Variants in RYR1 observed in about 807,000 individuals in gnomAD.
RYR1 encodes ryanodine receptor 1, also known as central core disease of muscle.
Under a neutral mutation model 583.5 loss-of-function variants are expected in RYR1, and 342 were observed. That is an observed-to-expected ratio of 0.59 (90% CI 0.54 to 0.64). RYR1 has a LOEUF of 0.64. Among genes scored for constraint, RYR1 ranks in the 30% least tolerant of loss-of-function variants. The pLI is 0.00. For synonymous variants in RYR1, 2,791 were observed against 2,822.5 expected (o/e 0.99, Z 0.35); for missense variants, 6,032 against 6,917.2 (o/e 0.87, Z 4.54).
At chr19:38,442,305 G>A (rs115526671) in intron 2 of RYR1, 44 bp from the exon 3 acceptor site, 55 of 1,300,752 alleles carry the variant, frequency 4.2e-5, no homozygotes, top group Non-Finnish European at 6.1e-5. Flanking sequence ...TGCTGGGGTG[G>A]GGGGGTCTTC....
chr19:38,496,141 G>T lies in RYR1; in HGVS notation c.6549-74G>T. On this transcript the variant is annotated intron_variant, in intron 39 of 105. Coordinates refer to ENST00000359596, the MANE Select transcript of RYR1 (RefSeq NM_000540.3). This position sits in a 1 kb window ranked among gnomAD's most constrained non-coding sequence, Gnocchi z 4.8. ...GAGTGAGAGGGTCAAGAATGCCAAC[G>T]CTGTCACAGTGGTGGCTATGGCCCT... 1 of 1,203,446 alleles carries T rather than the reference G, an allele frequency of 8.3e-7. No homozygotes were observed. The highest frequency in any genetic ancestry group is 1.2e-6 in the Non-Finnish European group (1 of 814,042). 74.5% of individuals were successfully genotyped at this position (1,203,446 alleles called of 1,614,324 possible).
rs1489905802 is a variant in RYR1, at chr19:38,500,681, G to A, written c.7399G>A (p.Val2467Met). 2 of 1,614,038 alleles carry A rather than the reference G, an allele frequency of 1.2e-6. No homozygotes were observed. The highest frequency in any genetic ancestry group is 8.5e-7 in the Non-Finnish European group (1 of 1,180,050). ...CTCCCTTGTGCCCTTGGAGGACCTT[G>A]TGGGCATCATCAGCCTCCCACTGCA... ...LRSLVPLEDL[V>M]GIISLPLQIP... is the part of the protein sequence containing the mutation. The change falls in exon 46 of 106, where the codon GTG becomes ATG. Residue 2467 changes from valine (V) to methionine (M), a missense_variant. Transcript: ENST00000359596. The surrounding 1 kb of genome is among the most constrained non-coding windows in gnomAD (Gnocchi z 5.9).
intron 89 of RYR1, among the ~76,000 whole-genome samples, chr19:38,559,043 C>T (rs1216056718): frequency 3.3e-5 from 5 of 151,836 alleles, no homozygotes; most frequent in African/African-American, 4.8e-5. Flanking sequence ...GAGCCAAGAT[C>T]GTGCCACTGC....
chr19:38,514,282 A>AT (rs56826915), intron 63 of RYR1, among the ~76,000 whole-genome samples: 42,746 of 138,998 alleles, frequency 0.31, 7,128 homozygotes, highest in South Asian at 0.47. Context: ...TTTTTTTTTA[A>AT]TTTTTTTTTT....
At position 38,466,376 on chromosome 19, in the gene RYR1, C is replaced by A. The variant is rs368131832; in HGVS notation, c.3156C>A (p.Ile1052=). The A allele has an allele frequency of 1.9e-6, 3 of 1,556,094 alleles. No homozygotes were observed. The highest frequency in any genetic ancestry group is 2.6e-6 in the Non-Finnish European group (3 of 1,152,876). Residue 1052 remains isoleucine, a synonymous_variant, in exon 24 of 106, where the codon ATC becomes ATA. Transcript: ENST00000359596. ...CCCTCCTGGGCTACGGCTACAACAT[C>A]GAGCCTCCTGACCAGGAGCCCAGTG... ...VRTLLGYGYN[I]EPPDQEPSQV...
chr19:38,533,255 A>G (rs1022453705), intron 78 of RYR1, among the ~76,000 whole-genome samples: 5 of 152,224 alleles, frequency 3.3e-5, no homozygotes, highest in African/African-American at 1.2e-4. Context: ...AGAAAGAGCT[A>G]GTAAACATGC....
chr19:38,539,979 C>T (rs778538555), intron 84 of RYR1, among the ~76,000 whole-genome samples: 1 of 152,008 alleles, frequency 6.6e-6, no homozygotes, highest in African/African-American at 2.4e-5. Flanking sequence ...AAAACCTGTA[C>T]CTTTGCTTAT....
At chr19:38,485,532 T>G (rs1830013371) in intron 33 of RYR1, 58 bp from the exon 34 acceptor site, 4 of 1,598,480 alleles carry the variant, frequency 2.5e-6, no homozygotes, top group Middle Eastern at 2.2e-4. Context: ...AGATGGTGGC[T>G]TGACTGATGC....
intron 93 of RYR1, among the ~76,000 whole-genome samples, 191 bp from the exon 94 acceptor site, chr19:38,570,416 C>T (rs1257702164): frequency 1.3e-5 from 2 of 152,084 alleles, no homozygotes; most frequent in South Asian, 2.1e-4. Context: ...CGCACCACTG[C>T]ACTCCAGCCT....
chr19:38,556,966 C>T (rs915650218), intron 89 of RYR1, among the ~76,000 whole-genome samples: 3 of 151,992 alleles, frequency 2.0e-5, no homozygotes, highest in African/African-American at 7.3e-5. Flanking sequence ...GGAGGCACCT[C>T]CTTTCCAGAT....
At position 38,464,651 on chromosome 19, in the gene RYR1, T is replaced by A; in HGVS notation, c.2799T>A (p.Ala933=). 2.5e-6 allele frequency: 4 copies of A among 1,587,126 alleles called. No individual in the cohort carries two copies. Among genetic ancestry groups the A allele is most frequent in the Non-Finnish European group, 3.4e-6 (4 of 1,166,702 alleles). ...CCCCCACCCCCAGGACTCTGCTGGC[T>A]CTGGGCTGCCACGTGGGCATGGCGG... ...MSGETLKTLL[A]LGCHVGMADE... is the part of the protein sequence containing the mutation. Residue 933 remains alanine, a synonymous_variant, in exon 23 of 106, where the codon GCT becomes GCA. Coordinates refer to ENST00000359596, the MANE Select transcript of RYR1 (RefSeq NM_000540.3).
rs1469128640 is a variant in RYR1, at chr19:38,494,454, G to A, written c.6377G>A (p.Arg2126Gln). The change falls in exon 39 of 106, where the codon CGG (arginine) becomes CAG (glutamine). Residue 2126 changes from arginine to glutamine, a missense_variant. This residue lies in a region of RYR1 where 2,627 missense variants were observed against 2,961.3 expected (regional missense o/e 0.89). Transcript: ENST00000359596. ...CGGGCCATGTTCAGCCTCCTGCACCGGCAGTACGACGGGCTGGGTGAGCTG... is the reference window on the plus strand; with the variant it reads ...CGGGCCATGTTCAGCCTCCTGCACCAGCAGTACGACGGGCTGGGTGAGCTG... The part of the protein sequence containing the change: ...LVRAMFSLLH[R>Q]QYDGLGELLR... The A allele has an allele frequency of 7.4e-6, 12 of 1,612,736 alleles. No homozygotes were observed. Among genetic ancestry groups the A allele is most frequent in the Middle Eastern group, 2.0e-4 (1 of 5,128 alleles).
chr19:38,535,051 C>T, intron 79 of RYR1, 90 bp from the exon 80 acceptor site: 1 of 1,351,726 alleles, frequency 7.4e-7, no homozygotes. Context: ...ATCCCCTTCT[C>T]TCACATCCCT....
Position 38,534,831 on chromosome 19 carries a change from A to G in RYR1, c.11359+12A>G. ...CAGTGCCTGCAAAGGTGCCCCTCACATGTGCACTGGACTCTTCCGAGTGCA... is the reference window on the plus strand; with the variant it reads ...CAGTGCCTGCAAAGGTGCCCCTCACGTGTGCACTGGACTCTTCCGAGTGCA... On this transcript the variant is annotated intron_variant, in intron 79 of 105. Transcript: ENST00000359596. 6.2e-7 allele frequency: 1 copy of G among 1,607,338 alleles called. No individual in the cohort carries two copies. Among genetic ancestry groups the G allele is most frequent in the South Asian group, 1.1e-5 (1 of 89,638 alleles).
intron 31 of RYR1, among the ~76,000 whole-genome samples, chr19:38,479,967 G>T (rs1968928190): frequency 6.6e-6 from 1 of 151,824 alleles, no homozygotes; most frequent in Non-Finnish European, 1.5e-5. Context: ...CAATCCTTCT[G>T]CCTCAGCCTC....
Position 38,565,142 on chromosome 19 carries a change from G to A in RYR1, c.12808G>A (p.Ala4270Thr), listed in dbSNP as rs1180037012. 6 of 1,524,168 alleles carry A rather than the reference G, an allele frequency of 3.9e-6. No individual in the cohort carries two copies. The highest frequency in any genetic ancestry group is 5.3e-6 in the Non-Finnish European group (6 of 1,139,716). 94.4% of individuals were successfully genotyped at this position (1,524,168 alleles called of 1,614,324 possible). The change falls in exon 91 of 106, where the codon GCG becomes ACG. Residue 4270 changes from alanine (A) to threonine (T), a missense_variant. Around this residue, in one of 11 missense-constraint regions of RYR1, gnomAD observed 753 missense variants for 759.6 expected, o/e 0.99. Transcript: ENST00000359596. This position sits in a 1 kb window ranked among gnomAD's most constrained non-coding sequence, Gnocchi z 4.7. ...DEDEGAGAAE[A>T]GAEGAEEGAA... ...GGACGAGGGCGCGGGCGCGGCGGAG[G>A]CGGGCGCGGAAGGCGCGGAGGAGGG...
chr19:38,542,095 C>G (rs114048954), intron 84 of RYR1, among the ~76,000 whole-genome samples: 1 of 148,464 alleles, frequency 6.7e-6, no homozygotes, highest in Non-Finnish European at 1.5e-5. Flanking sequence ...CCCCCAAGGC[C>G]GGGGACTGTT....
Position 38,444,578 on chromosome 19 carries a change from C to T in RYR1, c.538-6C>T. ...TCTCTGACTGCCGCATCCTGGTGGC[C>T]CCCAGCACCTGTCGACCGCCAGTGG... On this transcript the variant is annotated splice_polypyrimidine_tract_variant and splice_region_variant and intron_variant, in intron 6 of 105. Transcript: ENST00000359596. The surrounding 1 kb of genome is among the most constrained non-coding windows in gnomAD (Gnocchi z 5.1). 4 of 1,612,976 alleles carry T rather than the reference C, an allele frequency of 2.5e-6. No individual in the cohort carries two copies. The highest frequency in any genetic ancestry group is 1.3e-5 in the African/African-American group (1 of 75,030).
At chr19:38,507,849 T>A in intron 58 of RYR1, 22 bp downstream of exon 58, 4 of 1,484,544 alleles carry the variant, frequency 2.7e-6, no homozygotes, top group Non-Finnish European at 3.7e-6. Context: ...TACCCCCCGC[T>A]TATGCCCGCC....
Sources: gnomAD v4.1 joint callset for allele counts (sites outside exome capture counted in the v4.1 genomes callset) on GRCh38, gnomAD v4.1.1 for gene constraint, gnomAD v4.1.1 regional missense constraint, Gnocchi (gnomAD v3.1) non-coding constraint, MANE v1.5 for transcripts, NCBI Gene and HGNC (gene_info 2026-07-23, HGNC 2026-07-21) for gene names.